The following SLC26A5 variants were observed in gnomAD, a reference collection of about 807,000 sequenced individuals.
SLC26A5 encodes the protein solute carrier family 26 member 5.
Under a neutral mutation model 81.0 loss-of-function variants are expected in SLC26A5, and 51 were observed. That is an observed-to-expected ratio of 0.63 (90% CI 0.50 to 0.80). SLC26A5 has a LOEUF of 0.80. Among genes scored for constraint, SLC26A5 ranks in the 30% least tolerant of loss-of-function variants. The pLI is 0.00. For missense variants in SLC26A5, 771 were observed against 905.8 expected (o/e 0.85, Z 1.91); for synonymous variants, 325 against 332.8 (o/e 0.98, Z 0.25).
At chr7:103,366,003 G>A in intron 19 of SLC26A5, 1 of 1,193,388 alleles carries the variant, frequency 8.4e-7, no homozygotes, top group Non-Finnish European at 1.2e-6. Context: ...TGAAAAGTTT[G>A]AAGCATAACT....
intron 14 of SLC26A5, among the ~76,000 whole-genome samples, chr7:103,383,420 G>A (rs1271562476): frequency 1.3e-5 from 2 of 152,190 alleles, no homozygotes; most frequent in African/African-American, 4.8e-5. Context: ...TGCAGATGAT[G>A]AACAGGCCTT....
At chr7:103,432,718 C>T (rs1220138714) in intron 2 of SLC26A5, among the ~76,000 whole-genome samples, 3 of 151,744 alleles carry the variant, frequency 2.0e-5, no homozygotes, top group African/African-American at 7.3e-5. Flanking sequence ...GCTGACACTC[C>T]CTTGCAGTGA....
intron 2 of SLC26A5, among the ~76,000 whole-genome samples, chr7:103,425,832 A>G (rs1448424428): frequency 6.6e-6 from 1 of 152,188 alleles, no homozygotes; most frequent in Non-Finnish European, 1.5e-5. Context: ...AGCTTTAAAT[A>G]CTGATGCCCG....
Position 103,420,870 on chromosome 7 carries a change from G to A in SLC26A5, c.160C>T (p.Pro54Ser). Reference sequence around the variant, plus strand: ...TAAATGATATTTCTTATTTTTTTAGGAGTACATCTGAAAGGACAAAGACAG... The same window carrying A: ...TAAATGATATTTCTTATTTTTTTAGAAGTACATCTGAAAGGACAAAGACAG... Reference protein sequence around the residue: ...DKLKQAFTCTPKKIRNIIYMF... With the variant: ...DKLKQAFTCTSKKIRNIIYMF... The change falls in exon 4 of 20, where the codon CCT becomes TCT. Residue 54 changes from proline (P) to serine (S), a missense_variant. Transcript: ENST00000306312. 6.2e-7 allele frequency: 1 copy of A among 1,609,132 alleles called. No individual in the cohort carries two copies. Among genetic ancestry groups the A allele is most frequent in the Non-Finnish European group, 8.5e-7 (1 of 1,175,832 alleles).
intron 2 of SLC26A5, among the ~76,000 whole-genome samples, chr7:103,434,488 T>C (rs544117080): frequency 6.6e-6 from 1 of 152,308 alleles, no homozygotes; most frequent in East Asian, 1.9e-4. Flanking sequence ...AGGAACTTTT[T>C]TTCCTAGCAT....
intron 16 of SLC26A5, 126 bp downstream of exon 16, chr7:103,379,117 C>A: frequency 8.3e-6 from 6 of 722,620 alleles, no homozygotes; most frequent in Non-Finnish European, 1.5e-5. Context: ...GTATATTTTA[C>A]TACAATAAAA....
chr7:103,443,574 CAAG>C (rs1827040160), intron 1 of SLC26A5, among the ~76,000 whole-genome samples: 2 of 152,140 alleles, frequency 1.3e-5, no homozygotes, highest in Admixed American at 1.3e-4. Context: ...TTGAAAAGAG[CAAG>C]AAAAGTAGAA....
chr7:103,412,543 T>TTC (rs1824570788), intron 5 of SLC26A5, among the ~76,000 whole-genome samples: 1 of 106,960 alleles, frequency 9.3e-6, no homozygotes, highest in Non-Finnish European at 1.8e-5. Context: ...AGGAGTGTAG[T>TTC]TTTTTTTTTG....
At chr7:103,397,373 C>T (rs1382037900) in intron 9 of SLC26A5, among the ~76,000 whole-genome samples, 1 of 151,730 alleles carries the variant, frequency 6.6e-6, no homozygotes, top group African/African-American at 2.4e-5. Context: ...AACCCCGTCT[C>T]TATTAAAAAT....
At chr7:103,443,855 C>T (rs991390691) in intron 1 of SLC26A5, among the ~76,000 whole-genome samples, 2 of 152,230 alleles carry the variant, frequency 1.3e-5, no homozygotes, top group African/African-American at 4.8e-5. Flanking sequence ...CTGAAGTGAG[C>T]TTTCATAACC....
At chr7:103,391,113 T>G (rs1382684255) in intron 11 of SLC26A5, among the ~76,000 whole-genome samples, 4 of 152,210 alleles carry the variant, frequency 2.6e-5, no homozygotes, top group African/African-American at 9.6e-5. Context: ...TCTGCCCGCC[T>G]TGGCCTCCCA....
At chr7:103,382,645 T>C (rs1477624166) in intron 14 of SLC26A5, among the ~76,000 whole-genome samples, 3 of 152,148 alleles carry the variant, frequency 2.0e-5, no homozygotes, top group African/African-American at 4.8e-5. Context: ...TGAGCCACTG[T>C]GCCTGCCCCT....
chr7:103,411,028 G>A (rs1167618654), intron 6 of SLC26A5, among the ~76,000 whole-genome samples: 1 of 152,118 alleles, frequency 6.6e-6, no homozygotes, highest in Non-Finnish European at 1.5e-5. Context: ...GGTCTGGAGT[G>A]GCTTGGTGCC....
At chr7:103,392,455 T>A (rs1386923978) in intron 10 of SLC26A5, among the ~76,000 whole-genome samples, 1 of 152,240 alleles carries the variant, frequency 6.6e-6, no homozygotes, top group Non-Finnish European at 1.5e-5. Context: ...CTGTGAGCTT[T>A]AAAAACAGGA....
chr7:103,380,877 T>C (rs1821722368), intron 14 of SLC26A5, among the ~76,000 whole-genome samples: 1 of 150,288 alleles, frequency 6.7e-6, no homozygotes, highest in African/African-American at 2.5e-5. Context: ...ATACACAATA[T>C]ACATACCTAC....
At chr7:103,362,243 A>T (rs1820454805) in intron 19 of SLC26A5, 2 of 1,437,368 alleles carry the variant, frequency 1.4e-6, no homozygotes, top group Non-Finnish European at 1.8e-6. Flanking sequence ...TGTCTTCTGC[A>T]TCTGCTTCCT....
chr7:103,362,349 T>C, intron 19 of SLC26A5: 1 of 1,356,580 alleles, frequency 7.4e-7, no homozygotes. Flanking sequence ...CCATTTAAGG[T>C]AACATGGTAT....
At chr7:103,384,646 T>G (rs1391619980) in intron 14 of SLC26A5, among the ~76,000 whole-genome samples, 1 of 152,148 alleles carries the variant, frequency 6.6e-6, no homozygotes, top group Non-Finnish European at 1.5e-5. Context: ...TGTCAGCTTC[T>G]GGATTTGCAA....
chr7:103,357,198 C>T (rs1479135611), intron 19 of SLC26A5, among the ~76,000 whole-genome samples: 7 of 151,756 alleles, frequency 4.6e-5, no homozygotes, highest in African/African-American at 1.7e-4. Flanking sequence ...TGGTGGCGGG[C>T]GCTTGTAATC....
Sources: gnomAD v4.1 joint callset for allele counts (sites outside exome capture counted in the v4.1 genomes callset) on GRCh38, gnomAD v4.1.1 for gene constraint, MANE v1.5 for transcripts, NCBI Gene and HGNC (gene_info 2026-07-23, HGNC 2026-07-21) for gene names.